The following CDH13 variants were observed in gnomAD, a reference collection of about 807,000 sequenced individuals.
CDH13 encodes the protein cadherin-13.
Under a neutral mutation model 63.8 loss-of-function variants are expected in CDH13, and 24 were observed. The observed-to-expected ratio is 0.38, with a 90% CI of 0.27 to 0.53. The LOEUF (loss-of-function observed/expected upper bound fraction) is 0.53. Among genes scored for constraint, CDH13 ranks in the 20% least tolerant of loss-of-function variants. The probability of loss-of-function intolerance (pLI) is 0.85; values close to 1 mark genes in which losing one functional copy is unlikely to be tolerated. For missense variants in CDH13, 1,049 were observed against 903.1 expected, an observed-to-expected ratio of 1.16 and a Z score of -2.07; for synonymous variants, 503 against 355.3, an observed-to-expected ratio of 1.42 and a Z score of -4.67.
chr16:83,030,694 C>G (rs1916227901), intron 2 of CDH13, among the ~76,000 whole-genome samples: 2 of 150,010 alleles, frequency 1.3e-5, no homozygotes, highest in Non-Finnish European at 3.0e-5. Flanking sequence ...GCACCCCAAT[C>G]CTTGAGAAGC....
chr16:83,341,953 T>A (rs2090732160), intron 5 of CDH13, among the ~76,000 whole-genome samples: 1 of 150,796 alleles, frequency 6.6e-6, no homozygotes, highest in Admixed American at 6.7e-5. Context: ...AGCAATAAGG[T>A]TTTCTCCACC....
chr16:83,074,381 C>T (rs1012086846), intron 3 of CDH13, among the ~76,000 whole-genome samples: 6 of 152,028 alleles, frequency 3.9e-5, no homozygotes, highest in Non-Finnish European at 7.4e-5. Flanking sequence ...TTTTTTAATC[C>T]GTTATCCATT....
intron 4 of CDH13, among the ~76,000 whole-genome samples, chr16:83,150,559 T>C (rs1597423311): frequency 6.6e-6 from 1 of 152,236 alleles, no homozygotes; most frequent in East Asian, 1.9e-4. Context: ...CTGTGTCTTG[T>C]TGATCCAGGT....
intron 4 of CDH13, among the ~76,000 whole-genome samples, chr16:83,126,057 T>C (rs540255452): frequency 6.6e-6 from 1 of 152,318 alleles, no homozygotes; most frequent in South Asian, 2.1e-4. Context: ...GGATACTGCC[T>C]CATCAGTACA....
chr16:82,714,272 T>C (rs2032186182), intron 1 of CDH13, among the ~76,000 whole-genome samples: 2 of 152,172 alleles, frequency 1.3e-5, no homozygotes, highest in African/African-American at 2.4e-5. Context: ...AAGTATTGAA[T>C]TGTGTTCCCC....
At chr16:83,240,114 A>C (rs1904310345) in intron 5 of CDH13, among the ~76,000 whole-genome samples, 1 of 152,118 alleles carries the variant, frequency 6.6e-6, no homozygotes, top group South Asian at 2.1e-4. Flanking sequence ...GCTCAAGGCA[A>C]ATCCTATGGA....
intron 1 of CDH13, among the ~76,000 whole-genome samples, chr16:82,726,812 A>G (rs955193894): frequency 6.6e-6 from 1 of 152,230 alleles, no homozygotes; most frequent in African/African-American, 2.4e-5. Flanking sequence ...GTCTCATGGA[A>G]TTCTTACAAC....
chr16:82,683,936 A>G (rs927260723), intron 1 of CDH13, among the ~76,000 whole-genome samples: 17 of 152,266 alleles, frequency 1.1e-4, no homozygotes, highest in African/African-American at 4.1e-4. Flanking sequence ...TAATAAAAAC[A>G]TGACACATTA....
intron 3 of CDH13, among the ~76,000 whole-genome samples, chr16:83,073,784 G>C (rs1369297013): frequency 4.6e-5 from 7 of 151,920 alleles, no homozygotes; most frequent in Non-Finnish European, 8.8e-5. Flanking sequence ...AGCATAGTAT[G>C]TATATGTAAT....
At chr16:82,955,667 G>T (rs8048323) in intron 2 of CDH13, among the ~76,000 whole-genome samples, 37,673 of 152,046 alleles carry the variant, frequency 0.25, 4,893 homozygotes, top group Admixed American at 0.33. Context: ...GACAAAAACA[G>T]ATACAATTGT....
chr16:83,179,381 C>A (rs1014184946), intron 4 of CDH13, among the ~76,000 whole-genome samples: 1 of 150,912 alleles, frequency 6.6e-6, no homozygotes, highest in African/African-American at 2.5e-5. Flanking sequence ...CGGTGGCTCA[C>A]GCCTGGAATC....
At chr16:82,977,831 T>C (rs1475004382) in intron 2 of CDH13, among the ~76,000 whole-genome samples, 6 of 151,868 alleles carry the variant, frequency 4.0e-5, no homozygotes, top group Admixed American at 3.9e-4. Flanking sequence ...GACAGGAAAA[T>C]GTGGGCAATT....
At chr16:83,334,341 C>CGT (rs1384647622) in intron 5 of CDH13, among the ~76,000 whole-genome samples, 69 of 109,230 alleles carry the variant, frequency 6.3e-4, no homozygotes, top group African/African-American at 2.4e-3. Context: ...TCCCTTTCTC[C>CGT]CTCTCTCTCT....
chr16:82,739,734 T>G (rs2033847179), intron 1 of CDH13, among the ~76,000 whole-genome samples: 1 of 152,164 alleles, frequency 6.6e-6, no homozygotes, highest in Admixed American at 6.5e-5. Flanking sequence ...TTTGTCAACT[T>G]TTTCCAAATA....
intron 8 of CDH13, among the ~76,000 whole-genome samples, chr16:83,611,367 A>G (rs1372611479): frequency 3.3e-5 from 5 of 152,002 alleles, no homozygotes; most frequent in Non-Finnish European, 7.4e-5. Flanking sequence ...ATATGAAACT[A>G]TGTATATTTC....
chr16:82,869,102 A>C (rs1036958062), intron 2 of CDH13, among the ~76,000 whole-genome samples: 4 of 152,182 alleles, frequency 2.6e-5, no homozygotes, highest in African/African-American at 9.7e-5. Flanking sequence ...GCTGGAGTGC[A>C]GTGGCGCAAT....
chr16:83,423,405 C>A (rs957535630), intron 6 of CDH13, among the ~76,000 whole-genome samples: 1 of 152,018 alleles, frequency 6.6e-6, no homozygotes, highest in African/African-American at 2.4e-5. Flanking sequence ...ATTGTGTGAT[C>A]TGTCTTCTTC....
At chr16:82,888,495 CA>C (rs1337158972) in intron 2 of CDH13, among the ~76,000 whole-genome samples, 1 of 152,188 alleles carries the variant, frequency 6.6e-6, no homozygotes, top group Non-Finnish European at 1.5e-5. Context: ...CTGCCTCTGG[CA>C]GCCACTTCTG....
intron 2 of CDH13, among the ~76,000 whole-genome samples, chr16:82,913,841 G>A (rs953362087): frequency 2.0e-5 from 3 of 152,142 alleles, no homozygotes; most frequent in Admixed American, 6.5e-5. Context: ...AGTGAGGTTT[G>A]TGTAGCAAGA....
Sources: allele counts gnomAD v4.1 joint callset (sites outside exome capture counted in the v4.1 genomes callset), GRCh38; gene constraint gnomAD v4.1.1; transcripts MANE v1.5; gene names NCBI Gene and HGNC (gene_info 2026-07-23, HGNC 2026-07-21).